The following ZC3H14 variants were observed in gnomAD, a reference collection of about 807,000 sequenced individuals.
The protein encoded by ZC3H14 is zinc finger CCCH-type containing 14, also known as zinc finger CCCH domain-containing protein 14.
A neutral mutation model predicts 92.4 loss-of-function variants in ZC3H14; 31 were observed. The ratio of observed to expected loss-of-function variants is 0.34; its 90% confidence interval spans 0.25 to 0.45. ZC3H14 has a LOEUF of 0.45. Among genes scored for constraint, ZC3H14 ranks in the 20% least tolerant of loss-of-function variants. ZC3H14 has a pLI of 1.00. For missense variants in ZC3H14, 781 were observed against 897.3 expected (o/e 0.87, Z 1.66); for synonymous variants, 321 against 300.9 (o/e 1.07, Z -0.69).
Position 88,615,572 on chromosome 14 carries a change from TTACCA to T in ZC3H14, c.*3823_*3827del. 2.3e-6 allele frequency: 1 copy of T among 437,042 alleles called. No individual in the cohort carries two copies. The highest frequency in any genetic ancestry group is 4.0e-6 in the Non-Finnish European group (1 of 248,514). 27.1% of individuals were successfully genotyped at this position (437,042 alleles called of 1,614,324 possible). Reference sequence around the variant, plus strand: ...TTCCCAATACAGGGGGACTTGGCCTTTACCATCAAGTATTCGATCCTTCCTTGAAA... The same window carrying T: ...TTCCCAATACAGGGGGACTTGGCCTTTCAAGTATTCGATCCTTCCTTGAAA... On this transcript the variant is annotated 3_prime_UTR_variant, in exon 17 of 17. Transcript: ENST00000251038.
intron 9 of ZC3H14, chr14:88,591,701 T>C (rs1252677450): frequency 6.6e-6 from 1 of 152,236 alleles, no homozygotes; most frequent in Non-Finnish European, 1.5e-5. Flanking sequence ...TGTCGTCTTC[T>C]AGGCATTTCT....
chr14:88,618,540 G>A lies in ZC3H14; in HGVS notation c.*6789G>A. On this transcript the variant is annotated 3_prime_UTR_variant, in exon 17 of 17. Transcript: ENST00000251038. ...CTGTAGGTCAGAAGGTACAAAGGGA[G>A]GAGTTGAGAAGCTGGAGCTCTGGAG... 1 of 1,291,738 alleles carries A rather than the reference G, an allele frequency of 7.7e-7. No individual in the cohort carries two copies. The highest frequency in any genetic ancestry group is 1.1e-6 in the Non-Finnish European group (1 of 946,100). The allele number at this position is 1,291,738 out of a possible 1,614,324, so 80.0% of individuals were successfully genotyped here. A position where few individuals can be genotyped will look rare whatever the true frequency, so the allele number is the denominator to read the frequency against.
intron 10 of ZC3H14, among the ~76,000 whole-genome samples, chr14:88,597,341 A>AT (rs1039042675): frequency 6.6e-6 from 1 of 152,208 alleles, no homozygotes; most frequent in South Asian, 2.1e-4. Flanking sequence ...CATTTTTATT[A>AT]TCTCTGTCCT....
chr14:88,579,181 TC>T (rs1375759953), intron 9 of ZC3H14, among the ~76,000 whole-genome samples: 2 of 152,232 alleles, frequency 1.3e-5, no homozygotes, highest in Non-Finnish European at 2.9e-5. Context: ...TTTAAATTGT[TC>T]CAGGTTTCAT....
chr14:88,601,717 G>A (rs776283876), intron 10 of ZC3H14, among the ~76,000 whole-genome samples: 5 of 152,142 alleles, frequency 3.3e-5, no homozygotes, highest in Admixed American at 2.6e-4. Context: ...CACTTGTGCC[G>A]TGCCCTACGC....
At chr14:88,563,313 C>T in intron 1 of ZC3H14, 144 bp downstream of exon 1, 1 of 1,518,768 alleles carries the variant, frequency 6.6e-7, no homozygotes, top group Non-Finnish European at 8.8e-7. Context: ...CCTCCTCGTC[C>T]AGGCCGCCTC....
In ZC3H14 at chr14:88,563,077, C is replaced by T. The variant is rs2079076473; in HGVS notation, c.-57C>T. 4 of 1,547,170 alleles carry T rather than the reference C, an allele frequency of 2.6e-6. No homozygotes were observed. Among genetic ancestry groups the T allele is most frequent in the African/African-American group, 2.7e-5 (2 of 72,882 alleles). On this transcript the variant is annotated 5_prime_UTR_variant, in exon 1 of 17. Coordinates refer to ENST00000251038, the MANE Select transcript of ZC3H14 (RefSeq NM_024824.5). ...CCGGCTGCGGGGTAGGAGTCCGCGG[C>T]AGCCTCCGGGTAAGCCAAGCGCCGC...
In ZC3H14 at chr14:88,596,776, C is replaced by G; in HGVS notation, c.1322C>G (p.Pro441Arg). The change falls in exon 10 of 17, where the codon CCA becomes CGA. Residue 441 changes from proline to arginine, a missense_variant. Physicochemically the swap from Pro to Arg is moderately radical, Grantham distance 103. Coordinates refer to ENST00000251038, the MANE Select transcript of ZC3H14 (RefSeq NM_024824.5). Reference protein sequence around the residue: ...RQLLSRLQIDPVMAETLQMSQ... With the variant: ...RQLLSRLQIDRVMAETLQMSQ... ...TTATTATCCCGACTGCAAATCGACC[C>G]AGTAATGGCAGAAACTCTGCAGATG... 1 of 1,614,028 alleles carries G rather than the reference C, an allele frequency of 6.2e-7. No homozygotes were observed.
Position 88,612,627 on chromosome 14 carries a change from A to T in ZC3H14, c.*876A>T, listed in dbSNP as rs2086956991. On this transcript the variant is annotated 3_prime_UTR_variant, in exon 17 of 17. Transcript: ENST00000251038. The stretch of plus-strand genomic sequence containing the variant: ...AATAACATTCTCAGAATCCACAGAA[A>T]ATATACTTAGTTACTACTGAAGATA... 6.5e-6 allele frequency: 1 copy of T among 152,674 alleles called. No individual in the cohort carries two copies. Among genetic ancestry groups the T allele is most frequent in the African/African-American group, 2.4e-5 (1 of 41,458 alleles). 9.5% of individuals were successfully genotyped at this position (152,674 alleles called of 1,614,324 possible).
At position 88,609,315 on chromosome 14, in the gene ZC3H14, A is replaced by G. The variant is rs758573609; in HGVS notation, c.1917A>G (p.Pro639=). 1 of 1,614,070 alleles carries G rather than the reference A, an allele frequency of 6.2e-7. No homozygotes were observed. Among genetic ancestry groups the G allele is most frequent in the Admixed American group, 1.7e-5 (1 of 60,022 alleles). Residue 639 remains proline, a synonymous_variant, in exon 14 of 17, where the codon CCA becomes CCG. Coordinates refer to ENST00000251038, the MANE Select transcript of ZC3H14 (RefSeq NM_024824.5). ...KFAEKCLFVH[P]NCKYDAKCTK... is the part of the protein sequence containing the mutation. Reference sequence around the variant, plus strand: ...CTGAAAAATGTTTGTTTGTTCACCCAAATTGTAAATATGATGCAAAGTGTA... The same window carrying G: ...CTGAAAAATGTTTGTTTGTTCACCCGAATTGTAAATATGATGCAAAGTGTA...
Position 88,596,722 on chromosome 14 carries a change from T to C in ZC3H14, c.1280-12T>C. On this transcript the variant is annotated splice_polypyrimidine_tract_variant and intron_variant, in intron 9 of 16. Coordinates refer to ENST00000251038, the MANE Select transcript of ZC3H14 (RefSeq NM_024824.5). ...TTGTAAGCTTAGTGAAGTTTTAAAATTTATATTCTAGGAACTCAACAGAGG... is the reference window on the plus strand; with the variant it reads ...TTGTAAGCTTAGTGAAGTTTTAAAACTTATATTCTAGGAACTCAACAGAGG... The C allele has an allele frequency of 6.2e-7, 1 of 1,613,054 alleles. No individual in the cohort carries two copies. The highest frequency in any genetic ancestry group is 2.2e-5 in the East Asian group (1 of 44,852).
Position 88,609,416 on chromosome 14 carries a change from CTG to C in ZC3H14, c.2005+16_2005+17del. The C allele has an allele frequency of 6.2e-7, 1 of 1,613,480 alleles. No individual in the cohort carries two copies. On this transcript the variant is annotated intron_variant, in intron 14 of 16. Coordinates refer to ENST00000251038, the MANE Select transcript of ZC3H14 (RefSeq NM_024824.5). ...TCTCCAAAACCAGGTGAGTGAGTGA[CTG>C]TGCTACTACATTTGGGTAAAAAATA...
intron 13 of ZC3H14, chr14:88,608,088 G>A: frequency 3.1e-6 from 1 of 325,718 alleles, no homozygotes; most frequent in Non-Finnish European, 5.7e-6. Flanking sequence ...ATCTCACCCT[G>A]CAAGTATCAT....
At chr14:88,574,567 C>T (rs560162630) in intron 6 of ZC3H14, 126 bp from the exon 7 acceptor site, 3 of 1,233,224 alleles carry the variant, frequency 2.4e-6, no homozygotes, top group Admixed American at 4.0e-5. Context: ...TTACATAAAA[C>T]CAAGAAATAC....
intron 9 of ZC3H14, chr14:88,592,049 G>A (rs968222394): frequency 6.6e-6 from 1 of 152,202 alleles, no homozygotes; most frequent in Admixed American, 6.5e-5. Context: ...TATTTACACT[G>A]GAGTCTTAGG....
chr14:88,603,600 A>G (rs1346963463), intron 12 of ZC3H14, among the ~76,000 whole-genome samples: 1 of 152,218 alleles, frequency 6.6e-6, no homozygotes, highest in Non-Finnish European at 1.5e-5. Flanking sequence ...GGCAGGTGAC[A>G]GTTTCTTATC....
rs759043814 is a variant in ZC3H14, at chr14:88,624,088, G to A, written c.*12337G>A. 2.6e-5 allele frequency: 4 copies of A among 151,196 alleles called. No homozygotes were observed. The highest frequency in any genetic ancestry group is 4.4e-5 in the Non-Finnish European group (3 of 67,950). 9.4% of individuals were successfully genotyped at this position (151,196 alleles called of 1,614,324 possible). On this transcript the variant is annotated 3_prime_UTR_variant, in exon 17 of 17. Coordinates refer to ENST00000251038, the MANE Select transcript of ZC3H14 (RefSeq NM_024824.5). ...CACATTTTTTTTTGTTTTTGTTTTT[G>A]TTTTTTAAATGGGGTCTCACTCTGT... is the stretch of plus-strand genomic sequence containing the variant.
At position 88,609,327 on chromosome 14, in the gene ZC3H14, T is replaced by C. The variant is rs375580594; in HGVS notation, c.1929T>C (p.Tyr643=). The change falls in exon 14 of 17, where the codon TAT becomes TAC. Residue 643 remains tyrosine (Y), a synonymous_variant. Coordinates refer to ENST00000251038, the MANE Select transcript of ZC3H14 (RefSeq NM_024824.5). The stretch of plus-strand genomic sequence containing the variant: ...TGTTTGTTCACCCAAATTGTAAATA[T>C]GATGCAAAGTGTACTAAACCAGATT... The part of the protein sequence containing the change: ...KCLFVHPNCK[Y]DAKCTKPDCP... 4.0e-5 allele frequency: 65 copies of C among 1,613,960 alleles called. No homozygotes were observed. In the Middle Eastern group the frequency reaches 4.9e-4, roughly 12 times the overall value.
Position 88,603,038 on chromosome 14 carries a change from C to A in ZC3H14, c.1725C>A (p.Asp575Glu). ...ACTTGCTGAGCAGGCAGCTTGAGGA[C>A]CCAAATGGTAGCTTTTCTAACGGTG... The part of the protein sequence containing the change: ...QLHLLSRQLE[D>E]PNGSFSNAEM... Residue 575 changes from aspartate (D) to glutamate (E), a missense_variant, in exon 12 of 17, where the codon GAC (aspartate) becomes GAA (glutamate). Asp to Glu is a conservative substitution (Grantham distance 45). Around this residue, in one of 3 missense-constraint regions of ZC3H14, gnomAD observed 221 missense variants for 304.7 expected, o/e 0.73. Coordinates refer to ENST00000251038, the MANE Select transcript of ZC3H14 (RefSeq NM_024824.5). 1 of 1,614,170 alleles carries A rather than the reference C, an allele frequency of 6.2e-7. No individual in the cohort carries two copies.
Sources: gnomAD v4.1 joint callset for allele counts (sites outside exome capture counted in the v4.1 genomes callset) on GRCh38, gnomAD v4.1.1 for gene constraint, gnomAD v4.1.1 regional missense constraint, MANE v1.5 for transcripts, NCBI Gene and HGNC (gene_info 2026-07-23, HGNC 2026-07-21) for gene names.